Variants in SORCS2 observed in about 807,000 individuals in gnomAD.
SORCS2 encodes the protein sortilin related VPS10 domain containing receptor 2.
Under a neutral mutation model 141.6 loss-of-function variants are expected in SORCS2, and 100 were observed. The observed-to-expected ratio is 0.71, with a 90% CI of 0.60 to 0.83. The LOEUF (loss-of-function observed/expected upper bound fraction) is 0.83, where lower values mean the gene tolerates loss of function less well. Among genes scored for constraint, SORCS2 ranks in the 40% least tolerant of loss-of-function variants. The pLI, the probability that SORCS2 is intolerant of heterozygous loss-of-function variation, is 0.00. For synonymous variants in SORCS2, 789 were observed against 676.9 expected (o/e 1.17, Z -2.57); for missense variants, 1,646 against 1,560.2 (o/e 1.05, Z -0.93).
intron 1 of SORCS2, among the ~76,000 whole-genome samples, chr4:7,231,645 A>G (rs58430470): frequency 0.053 from 8,047 of 152,282 alleles, 464 homozygotes; most frequent in East Asian, 0.27. Flanking sequence ...GGGGCAGCCT[A>G]CTGAAGCAGA....
intron 26 of SORCS2, among the ~76,000 whole-genome samples, chr4:7,738,254 G>A (rs1021388106): frequency 5.9e-5 from 9 of 152,370 alleles, no homozygotes; most frequent in South Asian, 4.1e-4. Flanking sequence ...TGCCAGGGCC[G>A]TGGCACCAGC....
chr4:7,372,513 G>A (rs1278394909), intron 1 of SORCS2, among the ~76,000 whole-genome samples: 3 of 152,108 alleles, frequency 2.0e-5, no homozygotes, highest in African/African-American at 7.2e-5. Flanking sequence ...TCACCATGTT[G>A]GCCAGGCTGA....
intron 2 of SORCS2, among the ~76,000 whole-genome samples, chr4:7,498,905 C>A (rs934764535): frequency 6.6e-6 from 1 of 152,082 alleles, no homozygotes; most frequent in African/African-American, 2.4e-5. Flanking sequence ...GGGAACATGT[C>A]AAGCTGAGCG....
chr4:7,217,678 C>T (rs921816167), intron 1 of SORCS2, among the ~76,000 whole-genome samples: 1 of 152,150 alleles, frequency 6.6e-6, no homozygotes, highest in Admixed American at 6.5e-5. Flanking sequence ...GGGCCTTCGG[C>T]TCTCCTTGAC....
chr4:7,255,894 C>G (rs529283444), intron 1 of SORCS2, among the ~76,000 whole-genome samples: 1,079 of 37,552 alleles, frequency 0.029, 60 homozygotes, highest in African/African-American at 0.071. Flanking sequence ...AGCGTGGGGA[C>G]CCGGGGCTGG....
intron 1 of SORCS2, among the ~76,000 whole-genome samples, chr4:7,248,673 C>T (rs549383447): frequency 2.6e-5 from 4 of 152,276 alleles, no homozygotes; most frequent in East Asian, 1.9e-4. Context: ...GTTCTTTATT[C>T]GATTTTATTC....
intron 3 of SORCS2, among the ~76,000 whole-genome samples, chr4:7,544,248 T>G (rs920601069): frequency 1.3e-5 from 2 of 152,232 alleles, no homozygotes; most frequent in African/African-American, 4.8e-5. Flanking sequence ...TCAACTAATA[T>G]CTATCCCATG....
intron 1 of SORCS2, among the ~76,000 whole-genome samples, chr4:7,361,866 G>GT (rs1379695785): frequency 1.5e-5 from 2 of 131,542 alleles, no homozygotes; most frequent in African/African-American, 5.6e-5. Flanking sequence ...TCTGAGTGTG[G>GT]CCCCGGACAG....
chr4:7,472,892 A>T (rs71601843), intron 2 of SORCS2, among the ~76,000 whole-genome samples: 1 of 151,152 alleles, frequency 6.6e-6, no homozygotes, highest in Admixed American at 6.6e-5. Flanking sequence ...TCACAGCCTG[A>T]GTGGATGGGG....
chr4:7,575,247 A>G (rs1003516338), intron 3 of SORCS2, among the ~76,000 whole-genome samples: 1 of 152,222 alleles, frequency 6.6e-6, no homozygotes, highest in Non-Finnish European at 1.5e-5. Flanking sequence ...TGTAATTTTA[A>G]TGTTCATTAA....
intron 1 of SORCS2, among the ~76,000 whole-genome samples, chr4:7,385,145 G>A (rs1426562856): frequency 6.6e-6 from 1 of 152,130 alleles, no homozygotes; most frequent in Non-Finnish European, 1.5e-5. Flanking sequence ...CTGCAGGGTG[G>A]GCAGCGGCAT....
intron 9 of SORCS2, among the ~76,000 whole-genome samples, chr4:7,679,988 T>C: frequency 6.6e-6 from 1 of 152,192 alleles, no homozygotes; most frequent in Middle Eastern, 3.2e-3. Context: ...ATCATCCTTC[T>C]ACCTGCCCTG....
chr4:7,490,919 A>T (rs1731278004), intron 2 of SORCS2, among the ~76,000 whole-genome samples: 1 of 151,996 alleles, frequency 6.6e-6, no homozygotes, highest in African/African-American at 2.4e-5. Flanking sequence ...CCTCCTAGGG[A>T]CGTACCTGGC....
chr4:7,740,675 A>G lies in SORCS2; in HGVS notation c.*411A>G, dbSNP rs917045736. 26 of 276,602 alleles carry G rather than the reference A, an allele frequency of 9.4e-5. No individual in the cohort carries two copies. Among genetic ancestry groups the G allele is most frequent in the East Asian group, 4.3e-4 (7 of 16,136 alleles). The allele number at this position is 276,602 out of a possible 1,614,324, so 17.1% of individuals were successfully genotyped here. A position where few individuals can be genotyped will look rare whatever the true frequency, so the allele number is the denominator to read the frequency against. ...ACTGCGTTGCGGGCTCCTTCCCCGC[A>G]GAGGCCGGGGCCTCCCTGACTTTGC... On this transcript the variant is annotated 3_prime_UTR_variant, in exon 27 of 27. Transcript: ENST00000507866.
intron 2 of SORCS2, among the ~76,000 whole-genome samples, chr4:7,530,780 C>T (rs533425078): frequency 1.3e-3 from 194 of 152,348 alleles, no homozygotes; most frequent in Admixed American, 2.1e-3. Context: ...TCTTGCTGGG[C>T]AGCCAAGGCG....
chr4:7,706,026 T>TGGGCAGGGATGAGGCTGGGCTCC (rs1560498461), intron 14 of SORCS2, among the ~76,000 whole-genome samples: 2 of 112,442 alleles, frequency 1.8e-5, no homozygotes, highest in African/African-American at 6.2e-5. Flanking sequence ...GGCTGGGCTC[T>TGGGCAGGGATGAGGCTGGGCTCC]GTCTGGGCAG....
At chr4:7,696,588 G>C (rs557600118) in intron 11 of SORCS2, among the ~76,000 whole-genome samples, 7 of 152,318 alleles carry the variant, frequency 4.6e-5, no homozygotes, top group Admixed American at 1.3e-4. Context: ...CCTCCGAGTA[G>C]GCATCAAGGC....
intron 19 of SORCS2, 87 bp downstream of exon 19, chr4:7,723,970 G>A: frequency 2.8e-6 from 4 of 1,417,712 alleles, no homozygotes; most frequent in Non-Finnish European, 3.7e-6. Context: ...AAGCCCCCGG[G>A]ATTGCTCTAG....
intron 1 of SORCS2, among the ~76,000 whole-genome samples, chr4:7,344,179 C>T (rs1000491378): frequency 6.6e-5 from 10 of 152,210 alleles, no homozygotes; most frequent in Admixed American, 2.6e-4. Flanking sequence ...AACTATCAGG[C>T]AGTGCCATTT....
Sources: gnomAD v4.1 joint callset for allele counts (sites outside exome capture counted in the v4.1 genomes callset) on GRCh38, gnomAD v4.1.1 for gene constraint, MANE v1.5 for transcripts, NCBI Gene and HGNC (gene_info 2026-07-23, HGNC 2026-07-21) for gene names.